The following LPAR6 variants were observed in gnomAD, a reference collection of about 807,000 sequenced individuals.
LPAR6 encodes the protein G-protein coupled purinergic receptor P2Y5.
In LPAR6, 17 loss-of-function variants were observed where a neutral mutation model predicts 22.0. That is an observed-to-expected ratio of 0.77 (90% CI 0.53 to 1.16). The LOEUF is 1.16. Among genes scored for constraint, LPAR6 ranks in the 50% most tolerant of loss-of-function variants. The pLI is 0.00. For synonymous variants in LPAR6, 136 were observed against 139.8 expected, an observed-to-expected ratio of 0.97 and a Z score of 0.19; for missense variants, 384 against 406.9, an observed-to-expected ratio of 0.94 and a Z score of 0.48.
chr13:48,403,219 A>G (rs1279586931), intron 1 of LPAR6, among the ~76,000 whole-genome samples: 7 of 152,140 alleles, frequency 4.6e-5, no homozygotes, highest in Non-Finnish European at 7.4e-5. Flanking sequence ...GGATTGTGCA[A>G]TTGCTTTTAA....
chr13:48,441,503 G>T (rs1949236589), intron 1 of LPAR6, among the ~76,000 whole-genome samples: 1 of 152,122 alleles, frequency 6.6e-6, no homozygotes, highest in Admixed American at 6.5e-5. Flanking sequence ...TACTGTCTTA[G>T]ATCTAGTTCT....
chr13:48,408,795 CTTT>C (rs1948762840), downstream of LPAR6: 1 of 152,098 alleles, frequency 6.6e-6, no homozygotes. Context: ...CAAAAAGTTT[CTTT>C]ATGAACATAG....
At chr13:48,394,460 C>T (rs573178483) in intron 1 of LPAR6, among the ~76,000 whole-genome samples, 162 of 152,292 alleles carry the variant, frequency 1.1e-3, no homozygotes, top group African/African-American at 3.6e-3. Context: ...TCTACCTCAG[C>T]GGATCCCACC....
upstream of LPAR6, chr13:48,415,811 CTGTT>C (rs1948899290): frequency 6.6e-6 from 1 of 152,156 alleles, no homozygotes; most frequent in African/African-American, 2.4e-5. Flanking sequence ...AGCAGAGGGA[CTGTT>C]TGAACAGGAA....
rs762189917 is a variant in LPAR6, at chr13:48,412,308, A to G, written c.116T>C (p.Ile39Thr). The G allele has an allele frequency of 5.0e-6, 8 of 1,613,192 alleles. No homozygotes were observed. The highest frequency in any genetic ancestry group is 1.3e-5 in the African/African-American group (1 of 74,916). The change falls in exon 1 of 1, where the codon ATA (isoleucine) becomes ACA (threonine). Residue 39 changes from isoleucine to threonine, a missense_variant. Transcript: ENST00000620633. ...VLGLISNCVAIYIFICVLKVR... is the reference protein window; with the variant it reads ...VLGLISNCVATYIFICVLKVR... ...TTTGAGGACGCAGATGAAAATGTAT[A>G]TGGCAACACAATTGGATATTAACCC...
intron 1 of LPAR6, among the ~76,000 whole-genome samples, chr13:48,437,654 G>A (rs1368296823): frequency 6.6e-6 from 1 of 152,152 alleles, no homozygotes; most frequent in Non-Finnish European, 1.5e-5. Flanking sequence ...TTTTTGCCAT[G>A]TGAGCCTCTC....
At position 48,394,465 on chromosome 13, in the gene LPAR6, C is replaced by T. The variant is rs111534561; in HGVS notation, n.115-4653G>A. Among the ~76,000 whole-genome samples the T allele has an allele frequency of 3.1e-3, 470 of 152,308 alleles. 1 individual carries two copies. The highest frequency in any genetic ancestry group is 0.011 in the African/African-American group (442 of 41,554). ...AGCCAAGTGGTCTACCTCAGCGGAT[C>T]CCACCCCCATGGAGCCAAGCAAGCT... On this transcript the variant is annotated intron_variant and non_coding_transcript_variant, in intron 1 of 1. Transcript: ENST00000462781.
In LPAR6 at chr13:48,412,522, C is replaced by T; in HGVS notation, c.-99G>A. On this transcript the variant is annotated 5_prime_UTR_variant, in exon 1 of 1. Coordinates refer to ENST00000620633, the MANE Select transcript of LPAR6 (RefSeq NM_001162498.3). Reference sequence around the variant, plus strand: ...ACCTCTATAACCTCCAATTTATTTGCAAATTATCTGGATCTTTGGATGGTT... The same window carrying T: ...ACCTCTATAACCTCCAATTTATTTGTAAATTATCTGGATCTTTGGATGGTT... The T allele has an allele frequency of 2.5e-6, 2 of 806,442 alleles. No homozygotes were observed. The highest frequency in any genetic ancestry group is 4.4e-6 in the Non-Finnish European group (2 of 449,692). The allele number at this position is 806,442 out of a possible 1,614,324, so 50.0% of individuals were successfully genotyped here.
downstream of LPAR6, chr13:48,408,626 C>T (rs1251043302): frequency 2.0e-5 from 3 of 152,070 alleles, no homozygotes; most frequent in Non-Finnish European, 4.4e-5. Context: ...TGACTTACCA[C>T]AAAGTACAAC....
chr13:48,401,110 G>A (rs961681718), intron 1 of LPAR6, among the ~76,000 whole-genome samples: 5 of 152,104 alleles, frequency 3.3e-5, no homozygotes, highest in African/African-American at 1.2e-4. Context: ...TGAGGGTGGT[G>A]TTAGTTCACT....
At chr13:48,409,895 A>C (rs1167438059), downstream of LPAR6, among the ~76,000 whole-genome samples, 1 of 152,148 alleles carries the variant, frequency 6.6e-6, no homozygotes, top group Non-Finnish European at 1.5e-5. Flanking sequence ...TTTTTAAAAA[A>C]GGAATATGTT....
chr13:48,416,664 C>A (rs544167215), upstream of LPAR6: 8 of 152,376 alleles, frequency 5.3e-5, no homozygotes, highest in East Asian at 1.5e-3. Context: ...CCCACAGAGC[C>A]CAGCAAGCTA....
At chr13:48,390,841 G>A (rs915247744) in intron 1 of LPAR6, among the ~76,000 whole-genome samples, 19 of 151,994 alleles carry the variant, frequency 1.3e-4, no homozygotes, top group African/African-American at 4.1e-4. Context: ...TAACTTATAC[G>A]TGTCTTTATT....
intron 1 of LPAR6, among the ~76,000 whole-genome samples, chr13:48,402,873 A>G (rs763528010): frequency 6.6e-6 from 1 of 152,156 alleles, no homozygotes; most frequent in Non-Finnish European, 1.5e-5. Flanking sequence ...AAAATTACCT[A>G]TATGACATAT....
At chr13:48,439,854 T>C (rs2138302446) in intron 1 of LPAR6, 1 of 152,280 alleles carries the variant, frequency 6.6e-6, no homozygotes, top group South Asian at 2.1e-4. Flanking sequence ...AATATTGCTA[T>C]TTAAGAAAGA....
At chr13:48,432,465 A>G (rs1436633432) in intron 1 of LPAR6, among the ~76,000 whole-genome samples, 1 of 151,244 alleles carries the variant, frequency 6.6e-6, no homozygotes, top group African/African-American at 2.4e-5. Context: ...TTCTGAAACT[A>G]AATACTTCTC....
At chr13:48,417,978 T>C (rs171991), upstream of LPAR6, among the ~76,000 whole-genome samples, 137,896 of 152,180 alleles carry the variant, frequency 0.91, 63,498 homozygotes, top group East Asian at 1. Flanking sequence ...TCCAGGAGAA[T>C]TTCCCCAACC....
At chr13:48,406,633 T>C (rs1490330239), downstream of LPAR6, 1 of 152,222 alleles carries the variant, frequency 6.6e-6, no homozygotes, top group Non-Finnish European at 1.5e-5. Context: ...ACGTGTAAGA[T>C]GTTAGCCCTA....
intron 1 of LPAR6, among the ~76,000 whole-genome samples, chr13:48,442,626 G>T (rs1357418585): frequency 1.3e-5 from 2 of 152,048 alleles, no homozygotes; most frequent in Admixed American, 1.3e-4. Context: ...AGTAATGATG[G>T]GTGAGGACTT....
Sources: allele counts gnomAD v4.1 joint callset (sites outside exome capture counted in the v4.1 genomes callset), GRCh38; gene constraint gnomAD v4.1.1; transcripts MANE v1.5; gene names NCBI Gene and HGNC (gene_info 2026-07-23, HGNC 2026-07-21).